Variants in CRTAC1 observed in about 807,000 individuals in gnomAD.
The protein encoded by CRTAC1 is acidic secreted protein in cartilage.
Under a neutral mutation model 67.8 loss-of-function variants are expected in CRTAC1, and 37 were observed. The observed-to-expected ratio is 0.55, with a 90% CI of 0.42 to 0.72. CRTAC1 has a LOEUF of 0.72. Among genes scored for constraint, CRTAC1 ranks in the 30% least tolerant of loss-of-function variants. CRTAC1 has a pLI of 0.00. For synonymous variants in CRTAC1, 348 were observed against 371.0 expected (o/e 0.94, Z 0.71); for missense variants, 780 against 931.6 (o/e 0.84, Z 2.12).
At chr10:98,020,621 G>A (rs891518449) in intron 1 of CRTAC1, among the ~76,000 whole-genome samples, 2 of 152,238 alleles carry the variant, frequency 1.3e-5, no homozygotes, top group African/African-American at 4.8e-5. Flanking sequence ...ACCTCTGCCT[G>A]GGGAAGCTGG....
chr10:97,878,639 G>A, intron 14 of CRTAC1: 6 of 1,304,050 alleles, frequency 4.6e-6, no homozygotes, highest in Non-Finnish European at 6.1e-6. Flanking sequence ...CTGGCTACAG[G>A]AGCATTCTAT....
At chr10:97,935,445 C>A (rs2051071668) in intron 3 of CRTAC1, among the ~76,000 whole-genome samples, 1 of 152,182 alleles carries the variant, frequency 6.6e-6, no homozygotes, top group African/African-American at 2.4e-5. Context: ...GTCCCTGACC[C>A]AGAGGCATCA....
At chr10:97,979,422 C>T (rs541033892) in intron 2 of CRTAC1, among the ~76,000 whole-genome samples, 2 of 152,328 alleles carry the variant, frequency 1.3e-5, no homozygotes, top group South Asian at 4.1e-4. Flanking sequence ...GTCTAGGCAG[C>T]ACCTTAAGGG....
At chr10:97,880,131 G>A in intron 14 of CRTAC1, 118 bp downstream of exon 14, 1 of 1,224,068 alleles carries the variant, frequency 8.2e-7, no homozygotes, top group Non-Finnish European at 1.2e-6. Flanking sequence ...GGTCAAAGGA[G>A]ACTCTATCCA....
intron 9 of CRTAC1, 76 bp downstream of exon 9, chr10:97,896,833 T>TACCAA: frequency 4.4e-6 from 2 of 450,862 alleles, no homozygotes; most frequent in Non-Finnish European, 4.2e-6. Flanking sequence ...GGCTGCCCCG[T>TACCAA]CCCTCCCGCC....
intron 2 of CRTAC1, among the ~76,000 whole-genome samples, chr10:97,989,333 G>A (rs960763837): frequency 3.9e-5 from 6 of 152,168 alleles, no homozygotes; most frequent in African/African-American, 1.4e-4. Flanking sequence ...TGAGAGATGT[G>A]TTGTTAGGTG....
chr10:97,911,063 C>T (rs1454600337), intron 5 of CRTAC1, among the ~76,000 whole-genome samples: 2 of 152,214 alleles, frequency 1.3e-5, no homozygotes, highest in Non-Finnish European at 1.5e-5. Flanking sequence ...AACCTGGGCA[C>T]CACCTCTGCC....
At chr10:97,910,440 C>G (rs570126462) in intron 5 of CRTAC1, among the ~76,000 whole-genome samples, 1 of 152,312 alleles carries the variant, frequency 6.6e-6, no homozygotes, top group Admixed American at 6.5e-5. Flanking sequence ...TCAGAACCTG[C>G]ATTCTAACAA....
At chr10:98,027,354 C>A (rs989504488) in intron 1 of CRTAC1, among the ~76,000 whole-genome samples, 1 of 152,140 alleles carries the variant, frequency 6.6e-6, no homozygotes, top group Non-Finnish European at 1.5e-5. Context: ...AATGTCCTAG[C>A]ACTCTGACCT....
intron 3 of CRTAC1, among the ~76,000 whole-genome samples, chr10:97,931,232 T>G (rs895515628): frequency 1.3e-5 from 2 of 152,226 alleles, no homozygotes; most frequent in South Asian, 4.1e-4. Flanking sequence ...GCTTGCATAT[T>G]TGGTCGACAC....
chr10:97,900,146 G>A (rs928089191), intron 8 of CRTAC1, among the ~76,000 whole-genome samples: 3 of 152,178 alleles, frequency 2.0e-5, no homozygotes, highest in Non-Finnish European at 4.4e-5. Flanking sequence ...CGTCCCCTTG[G>A]AGAAATATTG....
At chr10:97,980,342 C>A (rs2051872061) in intron 2 of CRTAC1, among the ~76,000 whole-genome samples, 1 of 152,216 alleles carries the variant, frequency 6.6e-6, no homozygotes, top group Admixed American at 6.5e-5. Flanking sequence ...TGCCCTTGTA[C>A]ATGGGCAAAG....
chr10:98,011,689 C>A (rs1042443908), intron 1 of CRTAC1, among the ~76,000 whole-genome samples: 1 of 152,156 alleles, frequency 6.6e-6, no homozygotes, highest in Admixed American at 6.5e-5. Flanking sequence ...GGGCAAGGAT[C>A]TCTGTTTTAT....
At chr10:97,889,762 G>T (rs1025288751) in intron 11 of CRTAC1, among the ~76,000 whole-genome samples, 1 of 152,114 alleles carries the variant, frequency 6.6e-6, no homozygotes, top group Non-Finnish European at 1.5e-5. Context: ...GGGAGGCAGC[G>T]CGTGACTCAT....
chr10:98,019,286 G>A (rs1214894970), intron 1 of CRTAC1, among the ~76,000 whole-genome samples: 1 of 152,184 alleles, frequency 6.6e-6, no homozygotes, highest in African/African-American at 2.4e-5. Context: ...TAAGCTAGGA[G>A]GCAGCACCCA....
In CRTAC1 at chr10:97,901,519, C is replaced by G. The variant is rs774643936; in HGVS notation, c.1117G>C (p.Ala373Pro). The change falls in exon 8 of 15, where the codon GCC becomes CCC. Residue 373 changes from alanine to proline, a missense_variant. Coordinates refer to ENST00000370597, the MANE Select transcript of CRTAC1 (RefSeq NM_018058.7). ...FNNIAYRSSS[A>P]NRLFRVIRRE... ...AGCATCTACCGGAAGAGGCGGTTGG[C>G]TGAGGAGCTGCGGTAGGCAATGTTG... is the stretch of plus-strand genomic sequence containing the variant. The G allele has an allele frequency of 1.2e-5, 19 of 1,614,050 alleles. No homozygotes were observed. The African/African-American group carries it at 2.3e-4, about 19-fold the overall frequency.
chr10:97,883,650 C>T (rs2050244140), intron 12 of CRTAC1, among the ~76,000 whole-genome samples: 2 of 152,176 alleles, frequency 1.3e-5, no homozygotes, highest in South Asian at 4.1e-4. Context: ...TATGAGTGAT[C>T]CTCCTTATAA....
At chr10:97,886,411 G>A (rs924106319) in intron 11 of CRTAC1, among the ~76,000 whole-genome samples, 2 of 152,146 alleles carry the variant, frequency 1.3e-5, no homozygotes, top group South Asian at 2.1e-4. Context: ...CAGCAGCAAC[G>A]GAGAGGCTCG....
In CRTAC1 at chr10:98,029,527, G is replaced by GGCGGCA. The variant is rs1554938506; in HGVS notation, c.24+921_24+922insTGCCGC. Reference sequence around the variant, plus strand: ...CGGCGGCGGCGGCGGCGGCGGCGGCGGCAGCAGCAGCAATATTCATTAGTC... The same window carrying GGCGGCA: ...CGGCGGCGGCGGCGGCGGCGGCGGCGGCGGCAGCAGCAGCAGCAATATTCATTAGTC... On this transcript the variant is annotated intron_variant, in intron 1 of 14. Transcript: ENST00000370597. The surrounding 1 kb of genome is among the most constrained non-coding windows in gnomAD (Gnocchi z 4.7). 1.5e-5 allele frequency among the ~76,000 whole-genome samples: 2 copies of GGCGGCA among 131,152 alleles called. No homozygotes were observed. Among genetic ancestry groups the GGCGGCA allele is most frequent in the South Asian group, 4.3e-4 (2 of 4,690 alleles). The allele number at this position is 131,152 out of a possible 152,430, so 86.0% of individuals were successfully genotyped here.
Sources: gnomAD v4.1 joint callset for allele counts (sites outside exome capture counted in the v4.1 genomes callset) on GRCh38, gnomAD v4.1.1 for gene constraint, Gnocchi (gnomAD v3.1) non-coding constraint, MANE v1.5 for transcripts, NCBI Gene and HGNC (gene_info 2026-07-23, HGNC 2026-07-21) for gene names.